Variants in LGI4 observed in about 807,000 individuals in gnomAD.
LGI4 encodes the protein leucine rich repeat LGI family member 4.
LGI4 carries 36 observed loss-of-function variants against 48.3 expected under a neutral mutation model. The observed-to-expected ratio is 0.75, with a 90% CI of 0.57 to 0.98. The LOEUF (loss-of-function observed/expected upper bound fraction) is 0.98, where lower values mean the gene tolerates loss of function less well. LGI4 is among the 50% of genes least tolerant of loss of function. The probability of loss-of-function intolerance (pLI) is 0.00; values close to 1 mark genes in which losing one functional copy is unlikely to be tolerated. For missense variants in LGI4, 701 were observed against 732.1 expected (o/e 0.96, Z 0.49); for synonymous variants, 355 against 331.6 (o/e 1.07, Z -0.77).
Position 35,134,114 on chromosome 19 carries a change from TG to T in LGI4, c.171-11del. ...CGTCCTGACGAGTGAGCTGGGGATG[TG>T]GGCAGTGGTAGGTGAGAGGGACACC... is the stretch of plus-strand genomic sequence containing the variant. On this transcript the variant is annotated splice_polypyrimidine_tract_variant and intron_variant, in intron 1 of 8. Coordinates refer to ENST00000310123, the MANE Select transcript of LGI4 (RefSeq NM_139284.3). 1 of 1,560,600 alleles carries T rather than the reference TG, an allele frequency of 6.4e-7. No individual in the cohort carries two copies. Among genetic ancestry groups the T allele is most frequent in the Non-Finnish European group, 8.7e-7 (1 of 1,151,834 alleles).
chr19:35,133,837 C>A, intron 2 of LGI4, 73 bp from the exon 3 acceptor site: 3 of 1,508,326 alleles, frequency 2.0e-6, no homozygotes, highest in Non-Finnish European at 2.7e-6. Context: ...TGGCCTCCAC[C>A]CTCAGCCTAG....
Position 35,126,922 on chromosome 19 carries a change from C to T in LGI4, c.724G>A (p.Ala242Thr), listed in dbSNP as rs751396031. ...CAGGAGAGAATCAGGCAGCGGCCGG[C>T]GAAGGGCTGTGCCAGCACAATGTGA... ...EPHIVLAQPFAGRCLILSWDY... is the reference protein window; with the variant it reads ...EPHIVLAQPFTGRCLILSWDY... Residue 242 changes from alanine (A) to threonine (T), a missense_variant, in exon 7 of 9, where the codon GCC becomes ACC. Ala to Thr is a moderately conservative substitution (Grantham distance 58, BLOSUM62 0). Coordinates refer to ENST00000310123, the MANE Select transcript of LGI4 (RefSeq NM_139284.3). The T allele has an allele frequency of 9.9e-6, 16 of 1,613,490 alleles. No individual in the cohort carries two copies. The African/African-American group carries it at 1.2e-4, about 12-fold the overall frequency.
chr19:35,130,611 C>G (rs1209980927), intron 6 of LGI4, among the ~76,000 whole-genome samples: 1 of 152,194 alleles, frequency 6.6e-6, no homozygotes, highest in East Asian at 1.9e-4. Flanking sequence ...GCAGGAGGAT[C>G]TCTTGAGCAC....
chr19:35,131,356 G>T (rs1394910017), intron 6 of LGI4, 30 bp downstream of exon 6: 31 of 1,549,854 alleles, frequency 2.0e-5, no homozygotes, highest in Non-Finnish European at 2.7e-5. Flanking sequence ...CAGATCTCCC[G>T]CCTCCCACCC....
At chr19:35,130,921 C>G (rs780760068) in intron 6 of LGI4, among the ~76,000 whole-genome samples, 1 of 152,170 alleles carries the variant, frequency 6.6e-6, no homozygotes, top group African/African-American at 2.4e-5. Flanking sequence ...ACTTTGAACT[C>G]TTTGAGGGCG....
rs1461089467 is a variant in LGI4, at chr19:35,133,784, G to A, written c.243-20C>T. The A allele has an allele frequency of 1.3e-6, 2 of 1,592,296 alleles. No homozygotes were observed. Among genetic ancestry groups the A allele is most frequent in the East Asian group, 4.5e-5 (2 of 44,106 alleles). ...AAGAGGCTGGCAAGGGGGCAAGAAA[G>A]AAATTTTTCCAGAATTGCAGCCCCC... is the stretch of plus-strand genomic sequence containing the variant. On this transcript the variant is annotated intron_variant, in intron 2 of 8. Coordinates refer to ENST00000310123, the MANE Select transcript of LGI4 (RefSeq NM_139284.3).
chr19:35,134,366 C>T (rs1231752170), intron 1 of LGI4, 145 bp downstream of exon 1: 4 of 880,280 alleles, frequency 4.5e-6, no homozygotes, highest in African/African-American at 3.4e-5. Flanking sequence ...CACCCCTCTT[C>T]AAGGCATCCC....
rs1165872414 is a variant in LGI4, at chr19:35,134,550, G to A, written c.131C>T (p.Pro44Leu). The A allele has an allele frequency of 8.2e-6, 13 of 1,585,700 alleles. No individual in the cohort carries two copies. The highest frequency in any genetic ancestry group is 4.6e-5 in the East Asian group (2 of 43,902). ...CGGAGAGAAGCTGACGGGCAGGTCCGGGGAGCCCTCACACAGGGCGCTGTC... is the reference window on the plus strand; with the variant it reads ...CGGAGAGAAGCTGACGGGCAGGTCCAGGGAGCCCTCACACAGGGCGCTGTC... ...SKDSALCEGS[P>L]DLPVSFSPTL... Residue 44 changes from proline to leucine, a missense_variant, in exon 1 of 9, where the codon CCG becomes CTG. Coordinates refer to ENST00000310123, the MANE Select transcript of LGI4 (RefSeq NM_139284.3).
intron 3 of LGI4, chr19:35,133,243 A>T: frequency 1.6e-6 from 1 of 639,794 alleles, no homozygotes; most frequent in Non-Finnish European, 2.0e-6. Context: ...TGTGACTGCC[A>T]CCGCTGCCAC....
At chr19:35,134,176 C>A in intron 1 of LGI4, 72 bp from the exon 2 acceptor site, 1 of 1,397,052 alleles carries the variant, frequency 7.2e-7, no homozygotes, top group Non-Finnish European at 9.9e-7. Context: ...GAACCTTCTG[C>A]CATCCGGGAG....
intron 3 of LGI4, 44 bp from the exon 4 acceptor site, chr19:35,132,086 A>G: frequency 1.3e-6 from 2 of 1,491,324 alleles, no homozygotes; most frequent in South Asian, 1.2e-5. Context: ...GCTGAGCTTC[A>G]GGGAACGCAC....
intron 3 of LGI4, 108 bp from the exon 4 acceptor site, chr19:35,132,150 G>A (rs2145367758): frequency 9.9e-6 from 9 of 912,178 alleles, no homozygotes; most frequent in South Asian, 1.4e-5. Flanking sequence ...CCAATACCAC[G>A]GACAATCCCA....
rs139964229 is a variant in LGI4, at chr19:35,132,988, A to G, written c.314+705T>C. ...CTACCCACAGCCATCACCAACATCA[A>G]CACCAATACTGTAATGACCCACCCC... On this transcript the variant is annotated intron_variant, in intron 3 of 8. Transcript: ENST00000310123. Among the ~76,000 whole-genome samples, 389 of 152,148 alleles carry G rather than the reference A, an allele frequency of 2.6e-3. 3 individuals carry two copies. Among genetic ancestry groups the G allele is most frequent in the African/African-American group, 8.6e-3 (358 of 41,512 alleles).
In LGI4 at chr19:35,124,912, A is replaced by AG. The variant is rs2065119844; in HGVS notation, c.*280_*281insC. ...GACTCCATGCAGTGCACCAGCCTGC[A>AG]CCCCCCAGGTTGCCTTTGATGGGGA... On this transcript the variant is annotated 3_prime_UTR_variant, in exon 9 of 9. Coordinates refer to ENST00000310123, the MANE Select transcript of LGI4 (RefSeq NM_139284.3). 6.2e-6 allele frequency: 2 copies of AG among 321,580 alleles called. No individual in the cohort carries two copies. The highest frequency in any genetic ancestry group is 9.7e-5 in the East Asian group (2 of 20,526). The allele number at this position is 321,580 out of a possible 1,614,324, so 19.9% of individuals were successfully genotyped here.
chr19:35,125,897 T>A, intron 8 of LGI4: 1 of 533,032 alleles, frequency 1.9e-6, no homozygotes. Context: ...TCAGGGCCCT[T>A]CCAGACTCAG....
intron 8 of LGI4, chr19:35,125,843 C>T (rs1204806262): frequency 1.7e-6 from 1 of 588,148 alleles, no homozygotes; most frequent in Non-Finnish European, 3.2e-6. Flanking sequence ...CCTGCTCCCC[C>T]AGTCTGTTCC....
At position 35,125,328 on chromosome 19, in the gene LGI4, C is replaced by T; in HGVS notation, c.1479G>A (p.Glu493=). ...GGGCCACCAGGGCCGGAGGCCCCAG[C>T]TCCTGCAGTGGCTCCAGGAGCCCCT... ...PDKGLLEPLQ[E]LGPPALVAPR... Residue 493 remains glutamate, a synonymous_variant, in exon 9 of 9, where the codon GAG becomes GAA. Coordinates refer to ENST00000310123, the MANE Select transcript of LGI4 (RefSeq NM_139284.3). 2 of 1,612,798 alleles carry T rather than the reference C, an allele frequency of 1.2e-6. No individual in the cohort carries two copies. The highest frequency in any genetic ancestry group is 1.7e-6 in the Non-Finnish European group (2 of 1,179,078).
chr19:35,128,715 T>C (rs2065156281), intron 6 of LGI4, among the ~76,000 whole-genome samples: 1 of 151,974 alleles, frequency 6.6e-6, no homozygotes, highest in South Asian at 2.1e-4. Context: ...CTGTTTCAAA[T>C]AAACAAACAA....
Position 35,131,997 on chromosome 19 carries a change from G to C in LGI4, c.360C>G (p.Leu120=), listed in dbSNP as rs751180777. The part of the protein sequence containing the change: ...NEIGSISKNA[L]RGLRSLTHLS... ...GGTGTGTAAGCGAGCGAAGTCCTCT[G>C]AGGGCATTCTTAGAGATGGAGCCAA... The change falls in exon 4 of 9, where the codon CTC becomes CTG. Residue 120 remains leucine, a synonymous_variant. Coordinates refer to ENST00000310123, the MANE Select transcript of LGI4 (RefSeq NM_139284.3). The C allele has an allele frequency of 6.3e-7, 1 of 1,588,954 alleles. No individual in the cohort carries two copies. Among genetic ancestry groups the C allele is most frequent in the Admixed American group, 1.8e-5 (1 of 56,302 alleles).
Sources: gnomAD v4.1 joint callset for allele counts (sites outside exome capture counted in the v4.1 genomes callset) on GRCh38, gnomAD v4.1.1 for gene constraint, MANE v1.5 for transcripts, NCBI Gene and HGNC (gene_info 2026-07-23, HGNC 2026-07-21) for gene names.